The following CYP3A43 variants were observed in gnomAD, a reference collection of about 807,000 sequenced individuals.
CYP3A43 encodes cytochrome P450 family 3 subfamily A member 43.
Under a neutral mutation model 58.0 loss-of-function variants are expected in CYP3A43, and 45 were observed. The observed-to-expected ratio is 0.78, with a 90% CI of 0.61 to 0.99. The LOEUF is 0.99. Among genes scored for constraint, CYP3A43 ranks in the 50% least tolerant of loss-of-function variants. The pLI, the probability that CYP3A43 is intolerant of heterozygous loss-of-function variation, is 0.00. For missense variants in CYP3A43, 593 were observed against 591.9 expected (o/e 1.00, Z -0.02); for synonymous variants, 191 against 201.4 (o/e 0.95, Z 0.44).
Position 99,828,124 on chromosome 7 carries a change from C to T in CYP3A43, c.9C>T (p.Leu3=), listed in dbSNP as rs772466109. The change falls in exon 1 of 13, where the codon CTC becomes CTT. Residue 3 remains leucine, a synonymous_variant. Transcript: ENST00000354829. ...GAAAAAGAAAACTGGTGATGGATCT[C>T]ATTCCAAACTTTGCCATGGAAACAT... MD[L]IPNFAMETWV... 6 of 1,612,994 alleles carry T rather than the reference C, an allele frequency of 3.7e-6. No homozygotes were observed. The highest frequency in any genetic ancestry group is 4.2e-6 in the Non-Finnish European group (5 of 1,179,398).
chr7:99,849,846 A>G, intron 7 of CYP3A43, 152 bp downstream of exon 7: 3 of 823,408 alleles, frequency 3.6e-6, no homozygotes, highest in Non-Finnish European at 5.6e-6. Context: ...GATATGCACA[A>G]CCAACATCAT....
At chr7:99,860,614 G>A (rs1348420669) in intron 10 of CYP3A43, among the ~76,000 whole-genome samples, 1 of 152,192 alleles carries the variant, frequency 6.6e-6, no homozygotes, top group African/African-American at 2.4e-5. Context: ...TGGCCTTGGG[G>A]CTGGCCCTGG....
chr7:99,860,541 G>A (rs565576652), intron 10 of CYP3A43, among the ~76,000 whole-genome samples: 24 of 152,326 alleles, frequency 1.6e-4, no homozygotes, highest in South Asian at 1.0e-3. Context: ...TGCTAGCCAC[G>A]TATTACCCAC....
chr7:99,865,293 G>C (rs976537269), intron 12 of CYP3A43, among the ~76,000 whole-genome samples: 8 of 148,444 alleles, frequency 5.4e-5, no homozygotes, highest in Non-Finnish European at 1.2e-4. Context: ...GGAGAATGAG[G>C]GCTCAAAGTA....
chr7:99,849,071 C>A (rs1470996647), intron 6 of CYP3A43, among the ~76,000 whole-genome samples: 1 of 152,206 alleles, frequency 6.6e-6, no homozygotes, highest in South Asian at 2.1e-4. Flanking sequence ...ATGACGTTCA[C>A]AGCAAGTCTG....
chr7:99,848,099 T>C, intron 5 of CYP3A43, 67 bp from the exon 6 acceptor site: 2 of 1,495,376 alleles, frequency 1.3e-6, no homozygotes, highest in Non-Finnish European at 1.9e-6. Context: ...TGTTCCATGC[T>C]GGGCAAAGCC....
intron 6 of CYP3A43, among the ~76,000 whole-genome samples, 156 bp from the exon 7 acceptor site, chr7:99,849,390 G>A (rs947482796): frequency 6.6e-6 from 1 of 152,342 alleles, no homozygotes; most frequent in Middle Eastern, 3.4e-3. Context: ...CCCAATAAAT[G>A]CCTCATGAGT....
Position 99,856,902 on chromosome 7 carries a change from A to G in CYP3A43, c.865+3A>G. ...CAAAGAAACAAAGTCCCATAAAGGT[A>G]ACCAAGAACTGCATCTGGGGGCTAC... On this transcript the variant is annotated splice_donor_region_variant and intron_variant, in intron 9 of 12. Transcript: ENST00000354829. 2 of 1,613,264 alleles carry G rather than the reference A, an allele frequency of 1.2e-6. No homozygotes were observed. Among genetic ancestry groups the G allele is most frequent in the Middle Eastern group, 3.3e-4 (2 of 6,060 alleles).
chr7:99,851,816 G>C (rs892812174), intron 7 of CYP3A43, among the ~76,000 whole-genome samples: 1 of 152,076 alleles, frequency 6.6e-6, no homozygotes, highest in African/African-American at 2.4e-5. Flanking sequence ...GATGATGCAC[G>C]ATTTGCGTAT....
chr7:99,832,873 A>G (rs1816905594), intron 1 of CYP3A43, among the ~76,000 whole-genome samples: 1 of 152,156 alleles, frequency 6.6e-6, no homozygotes, highest in Non-Finnish European at 1.5e-5. Context: ...TGAGTCAATT[A>G]AGCCTCTTTT....
intron 1 of CYP3A43, among the ~76,000 whole-genome samples, chr7:99,829,537 T>C (rs899431857): frequency 1.3e-5 from 2 of 152,190 alleles, no homozygotes; most frequent in Admixed American, 6.5e-5. Context: ...CTTAAAGTCT[T>C]TCAGATCTGG....
chr7:99,838,448 C>T lies in CYP3A43; in HGVS notation c.166-672C>T, dbSNP rs45552432. Among the ~76,000 whole-genome samples the T allele has an allele frequency of 5.8e-4, 88 of 152,302 alleles. 2 individuals carry two copies. In the Middle Eastern group the frequency reaches 0.037, roughly 65 times the overall value. On this transcript the variant is annotated intron_variant, in intron 2 of 12. Transcript: ENST00000354829. ...TCCCTTGAGACACTCACTCACTTTC[C>T]GTCAGCCTCGGTTTCTTCATGTTCC...
rs1321044452 is a variant in CYP3A43, at chr7:99,845,068, A to T, written c.318+826A>T. Among the ~76,000 whole-genome samples the T allele has an allele frequency of 1.6e-3, 144 of 88,702 alleles. No individual in the cohort carries two copies. The African/African-American group carries it at 0.017, about 11-fold the overall frequency. The allele number at this position is 88,702 out of a possible 152,430, so 58.2% of individuals were successfully genotyped here. A position where few individuals can be genotyped will look rare whatever the true frequency, so the allele number is the denominator to read the frequency against. On this transcript the variant is annotated intron_variant, in intron 4 of 12. Transcript: ENST00000354829. ...TGGCAACAGAGCAAGACTCAGTCTC[A>T]AAAAAAAAAAAAAAAAGTTATATGG...
chr7:99,828,071 C>T lies in CYP3A43; in HGVS notation c.-45C>T. On this transcript the variant is annotated 5_prime_UTR_variant, in exon 1 of 13. Coordinates refer to ENST00000354829, the MANE Select transcript of CYP3A43 (RefSeq NM_057095.3). ...CAGCCCAGCAAAGAGCAGCACACAG[C>T]TGAAAGAAAAACTCAGAAGACAGAG... The T allele has an allele frequency of 6.4e-7, 1 of 1,559,802 alleles. No homozygotes were observed. Among genetic ancestry groups the T allele is most frequent in the Non-Finnish European group, 8.8e-7 (1 of 1,133,126 alleles).
At chr7:99,862,143 A>G (rs1818262405) in intron 11 of CYP3A43, among the ~76,000 whole-genome samples, 1 of 152,230 alleles carries the variant, frequency 6.6e-6, no homozygotes, top group African/African-American at 2.4e-5. Context: ...AAAGTAAACC[A>G]TTACCTATCT....
chr7:99,854,452 G>A lies in CYP3A43; in HGVS notation c.671-1139G>A, dbSNP rs544408244. Among the ~76,000 whole-genome samples the A allele has an allele frequency of 3.2e-4, 49 of 151,918 alleles. 1 individual carries two copies. The highest frequency in any genetic ancestry group is 2.6e-4 in the Admixed American group (4 of 15,248). On this transcript the variant is annotated intron_variant, in intron 7 of 12. Coordinates refer to ENST00000354829, the MANE Select transcript of CYP3A43 (RefSeq NM_057095.3). ...ACTCCTCACCTCAGGTGATCCACCC[G>A]CCTCAGCCTCCCAAAGTGCTAGGAT...
intron 8 of CYP3A43, 35 bp from the exon 9 acceptor site, chr7:99,856,798 C>T (rs1428758257): frequency 1.2e-6 from 2 of 1,612,682 alleles, no homozygotes; most frequent in Non-Finnish European, 8.5e-7. Context: ...TCACAAGTGA[C>T]TTTCTGTCAT....
intron 3 of CYP3A43, among the ~76,000 whole-genome samples, chr7:99,840,823 C>T (rs1313486591): frequency 6.6e-6 from 1 of 152,124 alleles, no homozygotes; most frequent in East Asian, 1.9e-4. Context: ...ACCTTGGTAA[C>T]CACAATGGGA....
Position 99,859,978 on chromosome 7 carries a change from T to C in CYP3A43, c.1014T>C (p.Val338=), listed in dbSNP as rs774937608. 5 of 1,604,704 alleles carry C rather than the reference T, an allele frequency of 3.1e-6. No individual in the cohort carries two copies. In the Admixed American group the frequency reaches 6.8e-5, roughly 22 times the overall value. Residue 338 remains valine, a synonymous_variant, in exon 10 of 13, where the codon GTT becomes GTC. Coordinates refer to ENST00000354829, the MANE Select transcript of CYP3A43 (RefSeq NM_057095.3). ...QQKLQEEIDA[V]LPNKAPVTYD... ...AACTGCAGGAGGAGATTGACGCAGTTTTACCCAATAAGGTAAGGGGATGAT... is the reference window on the plus strand; with the variant it reads ...AACTGCAGGAGGAGATTGACGCAGTCTTACCCAATAAGGTAAGGGGATGAT...
Sources: gnomAD v4.1 joint callset for allele counts (sites outside exome capture counted in the v4.1 genomes callset) on GRCh38, gnomAD v4.1.1 for gene constraint, MANE v1.5 for transcripts, NCBI Gene and HGNC (gene_info 2026-07-23, HGNC 2026-07-21) for gene names.